Variants in CCDC148 observed in about 807,000 individuals in gnomAD.
The protein encoded by CCDC148 is coiled-coil domain containing 148.
In CCDC148, 89 loss-of-function variants were observed where a neutral mutation model predicts 85.7. The observed-to-expected ratio is 1.04, with a 90% CI of 0.87 to 1.24. CCDC148 has a LOEUF of 1.24. CCDC148 is among the 50% of genes most tolerant of loss of function. CCDC148 has a pLI of 0.00. For missense variants in CCDC148, 692 were observed against 671.7 expected (o/e 1.03, Z -0.33); for synonymous variants, 230 against 213.9 (o/e 1.08, Z -0.66).
intron 11 of CCDC148, among the ~76,000 whole-genome samples, chr2:158,204,131 A>G (rs77017176): frequency 0.036 from 5,494 of 152,280 alleles, 139 homozygotes; most frequent in Non-Finnish European, 0.051. Context: ...TGTGCCAGAT[A>G]CAAAGGTAGG....
chr2:158,435,428 G>A (rs2105336753), intron 1 of CCDC148, among the ~76,000 whole-genome samples: 1 of 152,286 alleles, frequency 6.6e-6, no homozygotes, highest in Non-Finnish European at 1.5e-5. Flanking sequence ...AGCAAATACT[G>A]AGAGATTTTG....
At chr2:158,223,570 C>G (rs548446611) in intron 10 of CCDC148, among the ~76,000 whole-genome samples, 7 of 152,332 alleles carry the variant, frequency 4.6e-5, no homozygotes, top group African/African-American at 1.7e-4. Context: ...AGGCACCCCC[C>G]AGTAGGGGCA....
intron 10 of CCDC148, among the ~76,000 whole-genome samples, chr2:158,226,228 A>G (rs1004391025): frequency 6.6e-6 from 1 of 152,196 alleles, no homozygotes; most frequent in African/African-American, 2.4e-5. Context: ...ATTCCTCAAC[A>G]CATACACCCT....
chr2:158,240,536 A>T (rs996640301), intron 10 of CCDC148, among the ~76,000 whole-genome samples: 1 of 151,448 alleles, frequency 6.6e-6, no homozygotes, highest in Non-Finnish European at 1.5e-5. Flanking sequence ...AAGGTTAACA[A>T]GGAGAGTCAT....
chr2:158,233,844 G>A (rs201492272), intron 10 of CCDC148, among the ~76,000 whole-genome samples: 7 of 152,006 alleles, frequency 4.6e-5, no homozygotes, highest in Non-Finnish European at 8.8e-5. Context: ...AGAGATCTCC[G>A]TGTGCTTCAA....
chr2:158,293,857 T>C lies in CCDC148; in HGVS notation c.1110+15576A>G, dbSNP rs558491657. 4.1e-4 allele frequency among the ~76,000 whole-genome samples: 63 copies of C among 151,952 alleles called. 1 individual carries two copies. The highest frequency in any genetic ancestry group is 1.4e-3 in the African/African-American group (60 of 41,416). ...ATCAACTACCTAAAATAGACTGCAT[T>C]GCTCAGCTTGCAGCCAGGCATGGCA... On this transcript the variant is annotated intron_variant, in intron 9 of 13. Coordinates refer to ENST00000283233, the MANE Select transcript of CCDC148 (RefSeq NM_138803.4).
At chr2:158,398,305 C>T (rs922996912) in intron 1 of CCDC148, among the ~76,000 whole-genome samples, 2 of 152,098 alleles carry the variant, frequency 1.3e-5, no homozygotes, top group Non-Finnish European at 1.5e-5. Flanking sequence ...ACTATTCATC[C>T]CAAATCAACA....
chr2:158,291,448 T>C (rs1245970952), intron 9 of CCDC148, among the ~76,000 whole-genome samples: 2 of 152,156 alleles, frequency 1.3e-5, no homozygotes, highest in Admixed American at 6.5e-5. Flanking sequence ...TGAACTGCTT[T>C]TGCATCCTGG....
intron 10 of CCDC148, among the ~76,000 whole-genome samples, chr2:158,237,389 G>C (rs1688155864): frequency 6.6e-6 from 1 of 152,130 alleles, no homozygotes; most frequent in Admixed American, 6.6e-5. Flanking sequence ...ACTGATTGGA[G>C]AGGCAGAGTG....
rs369641694 is a variant in CCDC148 at position 158,246,485 on chromosome 2, A to G, written c.1251+4287T>C. Among the ~76,000 whole-genome samples, 9 of 152,238 alleles carry G rather than the reference A, an allele frequency of 5.9e-5. No homozygotes were observed. In the South Asian group the frequency reaches 1.9e-3, roughly 32 times the overall value. The stretch of plus-strand genomic sequence containing the variant: ...CAAACTATAACACAACTACACACAC[A>G]CATACACGCACACACACTGCCCCAG... On this transcript the variant is annotated intron_variant, in intron 10 of 13. Coordinates refer to ENST00000283233, the MANE Select transcript of CCDC148 (RefSeq NM_138803.4).
chr2:158,287,402 C>A lies in CCDC148; in HGVS notation c.1110+22031G>T, dbSNP rs576019051. 6.8e-4 allele frequency among the ~76,000 whole-genome samples: 104 copies of A among 152,292 alleles called. 4 individuals are homozygous for A. In the South Asian group the frequency reaches 0.021, roughly 30 times the overall value. On this transcript the variant is annotated intron_variant, in intron 9 of 13. Coordinates refer to ENST00000283233, the MANE Select transcript of CCDC148 (RefSeq NM_138803.4). ...AAGTCCCATCTGAGACAAGGCACGT[C>A]CCTTCTACCTATGAGCCTAGAAAAT... is the stretch of plus-strand genomic sequence containing the variant.
At chr2:158,312,227 A>T (rs1370927473) in intron 8 of CCDC148, among the ~76,000 whole-genome samples, 1 of 152,214 alleles carries the variant, frequency 6.6e-6, no homozygotes, top group Non-Finnish European at 1.5e-5. Flanking sequence ...TCTGTTCTGT[A>T]AACTTCTCAG....
At chr2:158,430,888 A>T (rs11688683) in intron 1 of CCDC148, among the ~76,000 whole-genome samples, 4,086 of 152,224 alleles carry the variant, frequency 0.027, 97 homozygotes, top group Admixed American at 0.05. Context: ...ATAATAAAAA[A>T]TGAAAGAGAC....
At chr2:158,190,461 A>G (rs1186749599) in intron 11 of CCDC148, among the ~76,000 whole-genome samples, 1 of 151,990 alleles carries the variant, frequency 6.6e-6, no homozygotes, top group Non-Finnish European at 1.5e-5. Flanking sequence ...AGAAACACCT[A>G]TCAAGTAGAC....
chr2:158,275,597 T>A (rs1311630110), intron 9 of CCDC148, among the ~76,000 whole-genome samples: 1 of 152,214 alleles, frequency 6.6e-6, no homozygotes, highest in Non-Finnish European at 1.5e-5. Flanking sequence ...TCTTTCTTTA[T>A]CAAATCCCTG....
chr2:158,377,503 T>A (rs1310154176), intron 1 of CCDC148, among the ~76,000 whole-genome samples: 1 of 151,954 alleles, frequency 6.6e-6, no homozygotes, highest in Non-Finnish European at 1.5e-5. Flanking sequence ...TAACAAAAAA[T>A]AAAATGTATG....
chr2:158,249,626 C>T (rs1261716991), intron 10 of CCDC148, among the ~76,000 whole-genome samples: 1 of 152,170 alleles, frequency 6.6e-6, no homozygotes, highest in East Asian at 1.9e-4. Flanking sequence ...ACAATGCTGC[C>T]TCTACACCAA....
At chr2:158,194,682 A>G (rs895517201) in intron 11 of CCDC148, among the ~76,000 whole-genome samples, 9 of 152,162 alleles carry the variant, frequency 5.9e-5, no homozygotes, top group Admixed American at 2.0e-4. Context: ...CATGGGAACT[A>G]TAGAAAACCC....
chr2:158,220,783 C>A lies in CCDC148; in HGVS notation c.1252-70G>T, dbSNP rs557917962. On this transcript the variant is annotated intron_variant, in intron 10 of 13. Transcript: ENST00000283233. ...GTAAAAATGAGGGAAAAGCCATAAC[C>A]ATATCCACTGGTTCGTATTACAAAA... 255 of 1,176,682 alleles carry A rather than the reference C, an allele frequency of 2.2e-4. No individual in the cohort carries two copies. The African/African-American group carries it at 3.5e-3, about 16-fold the overall frequency. The allele number at this position is 1,176,682 out of a possible 1,614,324, so 72.9% of individuals were successfully genotyped here. A position where few individuals can be genotyped will look rare whatever the true frequency, so the allele number is the denominator to read the frequency against.
Sources: allele counts gnomAD v4.1 joint callset (sites outside exome capture counted in the v4.1 genomes callset), GRCh38; gene constraint gnomAD v4.1.1; transcripts MANE v1.5; gene names NCBI Gene and HGNC (gene_info 2026-07-23, HGNC 2026-07-21).